JARID2: variants seen among roughly 807,000 people sequenced by gnomAD.
JARID2 encodes the protein jumonji and AT-rich interaction domain containing 2, also known as protein Jumonji.
Under a neutral mutation model 125.6 loss-of-function variants are expected in JARID2, and 21 were observed. The ratio of observed to expected loss-of-function variants is 0.17; its 90% CI spans 0.12 to 0.24. JARID2 has a LOEUF of 0.24. Ranked by LOEUF, JARID2 falls within the 10% of genes least tolerant of loss-of-function variation. The probability of loss-of-function intolerance (pLI) is 1.00; values close to 1 mark genes in which losing one functional copy is unlikely to be tolerated. For synonymous variants in JARID2, 736 were observed against 661.6 expected (o/e 1.11, Z -1.73); for missense variants, 1,303 against 1,639.6 (o/e 0.79, Z 3.55).
At position 15,343,236 on chromosome 6, in the gene JARID2, A is replaced by C. The variant is rs866307227; in HGVS notation, c.46-30881A>C. On this transcript the variant is annotated intron_variant, in intron 1 of 17. Coordinates refer to ENST00000341776, the MANE Select transcript of JARID2 (RefSeq NM_004973.4). Reference sequence around the variant, plus strand: ...AAGAACGAAACTCCGTCAAAAAAAAAAAAAAAAAAAAAAAGGGAATAGCTG... The same window carrying C: ...AAGAACGAAACTCCGTCAAAAAAAACAAAAAAAAAAAAAAGGGAATAGCTG... Among the ~76,000 whole-genome samples the C allele has an allele frequency of 4.1e-3, 621 of 151,540 alleles. 2 individuals carry two copies. The highest frequency in any genetic ancestry group is 0.014 in the Middle Eastern group (4 of 292).
chr6:15,247,207 G>T (rs72834538), intron 1 of JARID2, among the ~76,000 whole-genome samples: 1 of 152,186 alleles, frequency 6.6e-6, no homozygotes, highest in East Asian at 1.9e-4. Flanking sequence ...GTTTCCAGTT[G>T]TAGGGGAAAA....
At chr6:15,481,292 A>G (rs901033815) in intron 5 of JARID2, among the ~76,000 whole-genome samples, 6 of 152,346 alleles carry the variant, frequency 3.9e-5, no homozygotes, top group African/African-American at 7.2e-5. Context: ...GTACAATACA[A>G]TTTCCTAATA....
chr6:15,465,943 A>G (rs573906735), intron 4 of JARID2, among the ~76,000 whole-genome samples: 3 of 152,164 alleles, frequency 2.0e-5, no homozygotes, highest in South Asian at 4.1e-4. Flanking sequence ...AGCTGGGATT[A>G]CAGACATGCA....
In JARID2 at chr6:15,417,995, C is replaced by T. The variant is rs150753162; in HGVS notation, c.323+7630C>T. Reference sequence around the variant, plus strand: ...AGATGGAAATGTATGGGTACTCCCTCTTTTGAAGTTATTGAGTCACGGGAA... The same window carrying T: ...AGATGGAAATGTATGGGTACTCCCTTTTTTGAAGTTATTGAGTCACGGGAA... On this transcript the variant is annotated intron_variant, in intron 3 of 17. Transcript: ENST00000341776. 3.9e-3 allele frequency among the ~76,000 whole-genome samples: 595 copies of T among 152,232 alleles called. 4 individuals carry two copies. Among genetic ancestry groups the T allele is most frequent in the Middle Eastern group, 0.024 (7 of 294 alleles).
At chr6:15,366,571 C>T (rs1267543026) in intron 1 of JARID2, among the ~76,000 whole-genome samples, 2 of 150,354 alleles carry the variant, frequency 1.3e-5, no homozygotes, top group Admixed American at 6.6e-5. Flanking sequence ...CTTAGCATTT[C>T]TGTGAATTTT....
At chr6:15,397,913 A>T (rs1765277744) in intron 2 of JARID2, among the ~76,000 whole-genome samples, 1 of 152,222 alleles carries the variant, frequency 6.6e-6, no homozygotes, top group African/African-American at 2.4e-5. Context: ...GGACATGAGA[A>T]TCATGGTGGA....
chr6:15,424,931 C>A lies in JARID2; in HGVS notation c.323+14566C>A, dbSNP rs183792900. On this transcript the variant is annotated intron_variant, in intron 3 of 17. Coordinates refer to ENST00000341776, the MANE Select transcript of JARID2 (RefSeq NM_004973.4). Reference sequence around the variant, plus strand: ...CATAGCATTTATGATGTGCTGTCCACTTCCACTGTTTTACATTCCTTACAT... The same window carrying A: ...CATAGCATTTATGATGTGCTGTCCAATTCCACTGTTTTACATTCCTTACAT... 3.9e-3 allele frequency among the ~76,000 whole-genome samples: 595 copies of A among 152,342 alleles called. 4 individuals are homozygous for A. The highest frequency in any genetic ancestry group is 0.024 in the Middle Eastern group (7 of 294).
chr6:15,502,748 C>A (rs1284546391), intron 8 of JARID2, among the ~76,000 whole-genome samples: 1 of 152,190 alleles, frequency 6.6e-6, no homozygotes, highest in African/African-American at 2.4e-5. Flanking sequence ...TGGCCTGAGA[C>A]CCTGAGAGGG....
At chr6:15,400,281 A>G (rs1765375708) in intron 2 of JARID2, among the ~76,000 whole-genome samples, 1 of 152,060 alleles carries the variant, frequency 6.6e-6, no homozygotes, top group Non-Finnish European at 1.5e-5. Flanking sequence ...TGGAAGCTGG[A>G]ATCAGAGTAA....
chr6:15,501,009 T>C lies in JARID2; in HGVS notation c.2048T>C (p.Met683Thr). 6.2e-7 allele frequency: 1 copy of C among 1,614,104 alleles called. No individual in the cohort carries two copies. Among genetic ancestry groups the C allele is most frequent in the Non-Finnish European group, 8.5e-7 (1 of 1,179,984 alleles). The change falls in exon 8 of 18, where the codon ATG (methionine) becomes ACG (threonine). Residue 683 changes from methionine to threonine, a missense_variant. Transcript: ENST00000341776. ...AAAAAATGGAACAAACTAGCAGACATGCTGCGCATCCCCAGAACTGCCCAG... is the reference window on the plus strand; with the variant it reads ...AAAAAATGGAACAAACTAGCAGACACGCTGCGCATCCCCAGAACTGCCCAG... Reference protein sequence around the residue: ...DLKKWNKLADMLRIPRTAQDR... With the variant: ...DLKKWNKLADTLRIPRTAQDR...
intron 7 of JARID2, among the ~76,000 whole-genome samples, chr6:15,498,841 A>G (rs1044668381): frequency 6.6e-6 from 1 of 152,228 alleles, no homozygotes; most frequent in Non-Finnish European, 1.5e-5. Context: ...ACCACGCCCC[A>G]TGACTACTTG....
At chr6:15,347,545 A>G (rs1763282612) in intron 1 of JARID2, among the ~76,000 whole-genome samples, 1 of 152,108 alleles carries the variant, frequency 6.6e-6, no homozygotes. Flanking sequence ...TCCTGGGTAT[A>G]CTCTCTAATG....
intron 1 of JARID2, among the ~76,000 whole-genome samples, chr6:15,365,246 A>G (rs2127500378): frequency 6.6e-6 from 1 of 152,348 alleles, no homozygotes; most frequent in Admixed American, 6.5e-5. Flanking sequence ...CAGTGAAGGT[A>G]CATTGACAAT....
chr6:15,507,505 A>ACTGCCGGGGAGGGATGGCGTCTTCAGG (rs1771060818), intron 11 of JARID2, 89 bp downstream of exon 11: 2 of 1,101,914 alleles, frequency 1.8e-6, no homozygotes, highest in East Asian at 4.7e-5. Flanking sequence ...CCTTCTAAGC[A>ACTGCCGGGGAGGGATGGCGTCTTCAGG]CTGCCGGGGA....
chr6:15,509,940 AC>A (rs1479222001), intron 12 of JARID2, among the ~76,000 whole-genome samples: 1 of 152,128 alleles, frequency 6.6e-6, no homozygotes, highest in Non-Finnish European at 1.5e-5. Flanking sequence ...TAGGTTAGAA[AC>A]CCTGTATTTA....
chr6:15,506,616 G>A (rs1344675465), intron 9 of JARID2, among the ~76,000 whole-genome samples: 3 of 152,190 alleles, frequency 2.0e-5, no homozygotes, highest in Non-Finnish European at 4.4e-5. Context: ...TGTCTCAAGG[G>A]AGCCTGGGCA....
At chr6:15,402,371 A>G (rs1298018817) in intron 2 of JARID2, among the ~76,000 whole-genome samples, 1 of 152,216 alleles carries the variant, frequency 6.6e-6, no homozygotes, top group South Asian at 2.1e-4. Context: ...AGACCTAAGT[A>G]CATACACACT....
intron 3 of JARID2, among the ~76,000 whole-genome samples, chr6:15,411,710 A>AT (rs1765885506): frequency 6.6e-6 from 1 of 152,218 alleles, no homozygotes; most frequent in African/African-American, 2.4e-5. Flanking sequence ...GGAATGTGTG[A>AT]TAATATTATC....
chr6:15,520,238 C>G lies in JARID2; in HGVS notation c.3728C>G (p.Ser1243Trp). Residue 1243 changes from serine to tryptophan, a missense_variant, in exon 18 of 18, where the codon TCG becomes TGG. Physicochemically the swap from Ser to Trp is radical, Grantham distance 177. This residue lies in a region of JARID2 where 75 missense variants were observed against 66.0 expected (regional missense o/e 1.14). Coordinates refer to ENST00000341776, the MANE Select transcript of JARID2 (RefSeq NM_004973.4). ...GCCTCCAGTTCATCCAAAAGTGCTTCGAGCTCATCATGAAGATGCCAACGC... is the reference window on the plus strand; with the variant it reads ...GCCTCCAGTTCATCCAAAAGTGCTTGGAGCTCATCATGAAGATGCCAACGC... ...LSASSSSKSA[S>W]SSS 1 of 1,605,066 alleles carries G rather than the reference C, an allele frequency of 6.2e-7. No homozygotes were observed. The highest frequency in any genetic ancestry group is 8.5e-7 in the Non-Finnish European group (1 of 1,176,500).
Sources: gnomAD v4.1 joint callset for allele counts (sites outside exome capture counted in the v4.1 genomes callset) on GRCh38, gnomAD v4.1.1 for gene constraint, gnomAD v4.1.1 regional missense constraint, MANE v1.5 for transcripts, NCBI Gene and HGNC (gene_info 2026-07-23, HGNC 2026-07-21) for gene names.